The following ZNF407 variants were observed in gnomAD, a reference collection of about 807,000 sequenced individuals.
The protein encoded by ZNF407 is zinc finger protein 407.
A neutral mutation model predicts 131.2 loss-of-function variants in ZNF407; 17 were observed. The ratio of observed to expected loss-of-function variants is 0.13; its 90% CI spans 0.09 to 0.19. The LOEUF is 0.19. Among genes scored for constraint, ZNF407 ranks in the 10% least tolerant of loss-of-function variants. ZNF407 has a pLI of 1.00. For missense variants in ZNF407, 2,681 were observed against 2,830.6 expected (o/e 0.95, Z 1.20); for synonymous variants, 1,156 against 1,062.0 (o/e 1.09, Z -1.72).
chr18:74,941,762 C>T (rs1972101810), intron 8 of ZNF407, among the ~76,000 whole-genome samples: 1 of 152,164 alleles, frequency 6.6e-6, no homozygotes, highest in African/African-American at 2.4e-5. Context: ...GGATACTTAG[C>T]TTTGAGGCTG....
intron 8 of ZNF407, among the ~76,000 whole-genome samples, chr18:74,959,094 A>G (rs1340800479): frequency 6.6e-6 from 1 of 152,204 alleles, no homozygotes; most frequent in Admixed American, 6.5e-5. Flanking sequence ...CCTACTTTTC[A>G]TAAAGTCTAG....
chr18:74,751,361 CT>C (rs1232053682), intron 3 of ZNF407, among the ~76,000 whole-genome samples: 1 of 151,756 alleles, frequency 6.6e-6, no homozygotes, highest in Non-Finnish European at 1.5e-5. Flanking sequence ...AAAGTCTATT[CT>C]TTTTTTTAAA....
intron 3 of ZNF407, among the ~76,000 whole-genome samples, chr18:74,729,849 ATTATC>A (rs2144892176): frequency 6.6e-6 from 1 of 152,250 alleles, no homozygotes; most frequent in African/African-American, 2.4e-5. Flanking sequence ...AAAAAAGACT[ATTATC>A]TTGTGACAGT....
chr18:74,780,607 G>A (rs1969579771), intron 3 of ZNF407, among the ~76,000 whole-genome samples: 1 of 152,136 alleles, frequency 6.6e-6, no homozygotes. Context: ...TAACAAAAAT[G>A]TTTGCAAGCC....
Position 74,755,885 on chromosome 18 carries a change from C to CTTTTTTTTTTTTTTTTTTT in ZNF407, c.4803-25535_4803-25517dup, listed in dbSNP as rs34750560. Among the ~76,000 whole-genome samples the CTTTTTTTTTTTTTTTTTTT allele has an allele frequency of 1.5e-4, 4 of 25,834 alleles. 1 individual carries two copies. The highest frequency in any genetic ancestry group is 4.0e-4 in the African/African-American group (2 of 5,002). 16.9% of individuals were successfully genotyped at this position (25,834 alleles called of 152,430 possible). A position where few individuals can be genotyped will look rare whatever the true frequency, so the allele number is the denominator to read the frequency against. On this transcript the variant is annotated intron_variant, in intron 3 of 8. Transcript: ENST00000299687. ...CCTTCCTTCCTTCCTCTTTTCCTTC[C>CTTTTTTTTTTTTTTTTTTT]TTTTTTTTTTTTTTTTTTTTTTTTT...
intron 8 of ZNF407, among the ~76,000 whole-genome samples, chr18:74,947,968 AG>A (rs755265282): frequency 3.3e-4 from 51 of 152,364 alleles, no homozygotes; most frequent in South Asian, 1.9e-3. Context: ...CAAGGGTCAA[AG>A]AGAAAATGAC....
At position 74,632,761 on chromosome 18, in the gene ZNF407, A is replaced by T; in HGVS notation, c.1742A>T (p.His581Leu). 6.2e-7 allele frequency: 1 copy of T among 1,614,052 alleles called. No individual in the cohort carries two copies. The highest frequency in any genetic ancestry group is 1.1e-5 in the South Asian group (1 of 91,090). The change falls in exon 2 of 9, where the codon CAT becomes CTT. Residue 581 changes from histidine to leucine, a missense_variant. Transcript: ENST00000299687. Reference sequence around the variant, plus strand: ...GATGAACATTTGCACAGTAACCAGCATCAGCAAACTGCTTCTGTCCTGAGT... The same window carrying T: ...GATGAACATTTGCACAGTAACCAGCTTCAGCAAACTGCTTCTGTCCTGAGT... ...DLDEHLHSNQ[H>L]QQTASVLSCQ... is the part of the protein sequence containing the mutation.
chr18:74,734,933 T>G (rs1288239705), intron 3 of ZNF407, among the ~76,000 whole-genome samples: 1 of 152,174 alleles, frequency 6.6e-6, no homozygotes, highest in Non-Finnish European at 1.5e-5. Flanking sequence ...TGTAAGTTTA[T>G]GGGCTACTTA....
At chr18:74,741,874 A>C (rs568559266) in intron 3 of ZNF407, among the ~76,000 whole-genome samples, 1 of 152,158 alleles carries the variant, frequency 6.6e-6, no homozygotes, top group South Asian at 2.1e-4. Flanking sequence ...AAAGCTGCCC[A>C]GTTGGATTTT....
intron 4 of ZNF407, among the ~76,000 whole-genome samples, chr18:74,828,119 G>A (rs1458896880): frequency 6.6e-6 from 1 of 151,960 alleles, no homozygotes; most frequent in Non-Finnish European, 1.5e-5. Flanking sequence ...TGCTTCCTTC[G>A]CGGCCTGTTC....
chr18:74,856,798 A>C (rs1229788321), intron 4 of ZNF407, among the ~76,000 whole-genome samples: 1 of 152,232 alleles, frequency 6.6e-6, no homozygotes, highest in East Asian at 1.9e-4. Context: ...AATAAGTTTC[A>C]TATATTAATA....
chr18:74,907,432 T>G (rs1971610740), intron 7 of ZNF407, among the ~76,000 whole-genome samples: 1 of 152,204 alleles, frequency 6.6e-6, no homozygotes, highest in African/African-American at 2.4e-5. Context: ...TCCATGCCTC[T>G]GAGGGTGTGT....
At chr18:74,752,372 A>C (rs1287112871) in intron 3 of ZNF407, among the ~76,000 whole-genome samples, 7 of 152,170 alleles carry the variant, frequency 4.6e-5, no homozygotes, top group African/African-American at 1.7e-4. Context: ...GAAGCTCTTT[A>C]GTTTAATTAG....
At chr18:74,830,913 C>G (rs1436863775) in intron 4 of ZNF407, among the ~76,000 whole-genome samples, 1 of 152,052 alleles carries the variant, frequency 6.6e-6, no homozygotes, top group Non-Finnish European at 1.5e-5. Context: ...TCTCCCTATC[C>G]CTCCCTTCCC....
At chr18:74,868,889 G>A (rs1203067136) in intron 4 of ZNF407, among the ~76,000 whole-genome samples, 1 of 152,168 alleles carries the variant, frequency 6.6e-6, no homozygotes, top group African/African-American at 2.4e-5. Flanking sequence ...TGAATCATAG[G>A]ATCCTTTTGG....
chr18:74,659,051 A>G (rs1265390456), intron 3 of ZNF407, among the ~76,000 whole-genome samples: 2 of 152,118 alleles, frequency 1.3e-5, no homozygotes, highest in Admixed American at 6.5e-5. Context: ...CCCCAGATTT[A>G]CATTCTCTGG....
At chr18:74,876,610 T>C (rs1203995905) in intron 4 of ZNF407, among the ~76,000 whole-genome samples, 1 of 152,246 alleles carries the variant, frequency 6.6e-6, no homozygotes, top group Non-Finnish European at 1.5e-5. Flanking sequence ...TTTTCTCAAA[T>C]ACTGATTTTG....
chr18:74,998,479 A>C (rs1972804425), intron 8 of ZNF407, among the ~76,000 whole-genome samples: 1 of 152,166 alleles, frequency 6.6e-6, no homozygotes, highest in Non-Finnish European at 1.5e-5. Flanking sequence ...TCTTTCACAT[A>C]GATCATACTT....
At chr18:75,024,489 G>T (rs775102772) in intron 8 of ZNF407, among the ~76,000 whole-genome samples, 11 of 152,126 alleles carry the variant, frequency 7.2e-5, no homozygotes, top group Non-Finnish European at 1.5e-4. Context: ...CACTTTTTGT[G>T]ACCTATTAAC....
Sources: gnomAD v4.1 joint callset for allele counts (sites outside exome capture counted in the v4.1 genomes callset) on GRCh38, gnomAD v4.1.1 for gene constraint, MANE v1.5 for transcripts, NCBI Gene and HGNC (gene_info 2026-07-23, HGNC 2026-07-21) for gene names.